The following TTC13 variants were observed in gnomAD, a reference collection of about 807,000 sequenced individuals.
TTC13 encodes the protein tetratricopeptide repeat domain 13.
Under a neutral mutation model 120.0 loss-of-function variants are expected in TTC13, and 62 were observed. That is an observed-to-expected ratio of 0.52 (90% CI 0.42 to 0.64). The LOEUF (loss-of-function observed/expected upper bound fraction) is 0.64. Among genes scored for constraint, TTC13 ranks in the 30% least tolerant of loss-of-function variants. The pLI is 0.00. For synonymous variants in TTC13, 384 were observed against 393.5 expected (o/e 0.98, Z 0.28); for missense variants, 824 against 1,050.2 (o/e 0.78, Z 2.98).
At position 230,954,369 on chromosome 1, in the gene TTC13, A is replaced by G; in HGVS notation, c.477T>C (p.Tyr159=). Residue 159 remains tyrosine (Y), a synonymous_variant, in exon 4 of 23, where the codon TAT becomes TAC. Coordinates refer to ENST00000366661, the MANE Select transcript of TTC13 (RefSeq NM_024525.5). ...IAYVLIGSGL[Y]DEAIRHFSTM... Reference sequence around the variant, plus strand: ...TTGAAAAATGCCGTATTGCTTCATCATACAGACCACTGCCAATCAAGACAT... The same window carrying G: ...TTGAAAAATGCCGTATTGCTTCATCGTACAGACCACTGCCAATCAAGACAT... 1 of 1,613,018 alleles carries G rather than the reference A, an allele frequency of 6.2e-7. No homozygotes were observed. Among genetic ancestry groups the G allele is most frequent in the Non-Finnish European group, 8.5e-7 (1 of 1,179,452 alleles).
At chr1:230,930,798 G>T (rs913127114) in intron 11 of TTC13, among the ~76,000 whole-genome samples, 2 of 152,144 alleles carry the variant, frequency 1.3e-5, no homozygotes, top group Admixed American at 6.5e-5. Flanking sequence ...CGCCCTTGTA[G>T]TCCCAGCTAC....
Position 230,925,400 on chromosome 1 carries a change from A to G in TTC13, c.1588+117T>C, listed in dbSNP as rs942625165. 3 of 1,163,562 alleles carry G rather than the reference A, an allele frequency of 2.6e-6. No individual in the cohort carries two copies. The African/African-American group carries it at 4.6e-5, about 18-fold the overall frequency. 72.1% of individuals were successfully genotyped at this position (1,163,562 alleles called of 1,614,324 possible). A position where few individuals can be genotyped will look rare whatever the true frequency, so the allele number is the denominator to read the frequency against. ...GATTCTACACATTTCTATTCTGATCACATGGAGAATTTGAATAAGCACAAT... is the reference window on the plus strand; with the variant it reads ...GATTCTACACATTTCTATTCTGATCGCATGGAGAATTTGAATAAGCACAAT... On this transcript the variant is annotated intron_variant, in intron 13 of 22. Transcript: ENST00000366661.
intron 20 of TTC13, among the ~76,000 whole-genome samples, chr1:230,910,885 T>A (rs1671433301): frequency 6.6e-6 from 1 of 152,262 alleles, no homozygotes; most frequent in South Asian, 2.1e-4. Context: ...CATCTTAAGT[T>A]CAACTATGTG....
intron 4 of TTC13, among the ~76,000 whole-genome samples, chr1:230,947,291 G>C (rs548547263): frequency 1.3e-5 from 2 of 152,218 alleles, no homozygotes; most frequent in East Asian, 3.9e-4. Flanking sequence ...ACAGGTGTCA[G>C]GGGGAAAAGG....
rs1011501975 is a variant in TTC13, at chr1:230,954,221, C to T, written c.513+112G>A. 1.4e-5 allele frequency: 10 copies of T among 735,358 alleles called. No homozygotes were observed. In the African/African-American group the frequency reaches 1.4e-4, roughly 11 times the overall value. 45.6% of individuals were successfully genotyped at this position (735,358 alleles called of 1,614,324 possible). On this transcript the variant is annotated intron_variant, in intron 4 of 22. Transcript: ENST00000366661. Reference sequence around the variant, plus strand: ...GCTCAGTCCATACCAATTTCTTTCACTTTCTTGTATAATTTAAAAACATGT... The same window carrying T: ...GCTCAGTCCATACCAATTTCTTTCATTTTCTTGTATAATTTAAAAACATGT...
rs760813656 is a variant in TTC13, at chr1:230,940,392, A to G, written c.789+48T>C. On this transcript the variant is annotated intron_variant, in intron 7 of 22. Coordinates refer to ENST00000366661, the MANE Select transcript of TTC13 (RefSeq NM_024525.5). This position sits in a 1 kb window ranked among gnomAD's most constrained non-coding sequence, Gnocchi z 4.1. The stretch of plus-strand genomic sequence containing the variant: ...GTCACTTTCTGAGGTCAAGGGAAAA[A>G]TGAAATCTTCATCATCATAAAAATA... 3.1e-6 allele frequency: 4 copies of G among 1,282,892 alleles called. No individual in the cohort carries two copies. Among genetic ancestry groups the G allele is most frequent in the Non-Finnish European group, 4.5e-6 (4 of 887,782 alleles). 79.5% of individuals were successfully genotyped at this position (1,282,892 alleles called of 1,614,324 possible).
intron 18 of TTC13, among the ~76,000 whole-genome samples, chr1:230,913,753 G>A (rs1444268226): frequency 6.6e-6 from 1 of 152,228 alleles, no homozygotes; most frequent in African/African-American, 2.4e-5. Context: ...AAGGTCTCAT[G>A]GGAGAAGTGG....
intron 3 of TTC13, chr1:230,956,506 T>G (rs1415768027): frequency 2.8e-6 from 1 of 360,194 alleles, no homozygotes; most frequent in Non-Finnish European, 5.3e-6. Flanking sequence ...TCTTAAAGTT[T>G]CCTTTCAAAT....
chr1:230,920,765 G>A (rs1227297439), intron 16 of TTC13, among the ~76,000 whole-genome samples, 171 bp from the exon 17 acceptor site: 1 of 152,172 alleles, frequency 6.6e-6, no homozygotes, highest in Non-Finnish European at 1.5e-5. Flanking sequence ...CAATTCTAAT[G>A]AGTTTTGGAC....
intron 1 of TTC13, among the ~76,000 whole-genome samples, chr1:230,977,964 G>A (rs1182763552): frequency 6.6e-6 from 1 of 152,234 alleles, no homozygotes; most frequent in African/African-American, 2.4e-5. Flanking sequence ...CTGACAGATC[G>A]CAGGTTGATC....
intron 18 of TTC13, among the ~76,000 whole-genome samples, chr1:230,915,043 G>A (rs1671881606): frequency 6.6e-6 from 1 of 152,180 alleles, no homozygotes. Flanking sequence ...AATCAGGGGA[G>A]AATGATCTTT....
At chr1:230,952,165 T>C (rs1675654941) in intron 4 of TTC13, among the ~76,000 whole-genome samples, 1 of 152,240 alleles carries the variant, frequency 6.6e-6, no homozygotes, top group South Asian at 2.1e-4. Context: ...ATCTTCGAAT[T>C]TTCTATTCCT....
chr1:230,943,892 T>TA lies in TTC13; in HGVS notation c.585dup (p.Lys196Ter), dbSNP rs1421915127. ...TCGAACAGAGCAAGCTCAGCATTCTTAATGTCCTTGAAAAGGCATTAGCTT... is the reference window on the plus strand; with the variant it reads ...TCGAACAGAGCAAGCTCAGCATTCTTAAATGTCCTTGAAAAGGCATTAGCTT... On this transcript the variant is annotated frameshift_variant, in exon 6 of 23. Transcript: ENST00000366661. LOFTEE classifies it high-confidence loss of function. The TA allele has an allele frequency of 6.2e-7, 1 of 1,607,620 alleles. No homozygotes were observed. Among genetic ancestry groups the TA allele is most frequent in the Non-Finnish European group, 8.5e-7 (1 of 1,175,948 alleles).
At chr1:230,927,658 T>G (rs1673158159) in intron 12 of TTC13, among the ~76,000 whole-genome samples, 1 of 152,184 alleles carries the variant, frequency 6.6e-6, no homozygotes, top group African/African-American at 2.4e-5. Flanking sequence ...TTTCTTTCCT[T>G]ATGGTGTCAT....
At chr1:230,970,848 G>C (rs1475135070) in intron 1 of TTC13, among the ~76,000 whole-genome samples, 2 of 152,134 alleles carry the variant, frequency 1.3e-5, no homozygotes, top group African/African-American at 4.8e-5. Flanking sequence ...TTGAAAATAA[G>C]GATGACTGGG....
chr1:230,972,101 G>A (rs1360463694), intron 1 of TTC13, among the ~76,000 whole-genome samples: 1 of 152,164 alleles, frequency 6.6e-6, no homozygotes, highest in Non-Finnish European at 1.5e-5. Context: ...GTGCAGAGGT[G>A]GTCCTGAGAT....
chr1:230,949,646 T>TTTTTTTA (rs1553292982), intron 4 of TTC13, among the ~76,000 whole-genome samples: 1 of 151,842 alleles, frequency 6.6e-6, no homozygotes, highest in Non-Finnish European at 1.5e-5. Context: ...TCTTTCCTTT[T>TTTTTTTA]TTTTTTATTT....
chr1:230,936,352 T>C, intron 8 of TTC13: 1 of 416,562 alleles, frequency 2.4e-6, no homozygotes, highest in Non-Finnish European at 4.8e-6. Context: ...TCTAAGCATA[T>C]GAACTGGCTC....
chr1:230,951,356 T>C (rs1317869573), intron 4 of TTC13, among the ~76,000 whole-genome samples: 1 of 151,578 alleles, frequency 6.6e-6, no homozygotes, highest in Non-Finnish European at 1.5e-5. Flanking sequence ...TGCTTCATAC[T>C]GGAGCTCATG....
Sources: gnomAD v4.1 joint callset for allele counts (sites outside exome capture counted in the v4.1 genomes callset) on GRCh38, gnomAD v4.1.1 for gene constraint, Gnocchi (gnomAD v3.1) non-coding constraint, MANE v1.5 for transcripts, NCBI Gene and HGNC (gene_info 2026-07-23, HGNC 2026-07-21) for gene names.